OR2M2: variants seen among roughly 807,000 people sequenced by gnomAD.
The protein encoded by OR2M2 is olfactory receptor 2M2.
For synonymous variants in OR2M2, 168 were observed against 151.7 expected (o/e 1.11, Z -0.79); for missense variants, 467 against 429.9 (o/e 1.09, Z -0.76).
chr1:248,175,849 T>G lies in OR2M2; in HGVS notation c.-19+978T>G, dbSNP rs1665851508. Among the ~76,000 whole-genome samples, 4 of 152,206 alleles carry G rather than the reference T, an allele frequency of 2.6e-5. No individual in the cohort carries two copies. The South Asian group carries it at 8.3e-4, about 31-fold the overall frequency. On this transcript the variant is annotated intron_variant, in intron 1 of 1. Coordinates refer to ENST00000641836, the MANE Select transcript of OR2M2 (RefSeq NM_001004688.2). ...CTGTGCTTTATATATAATTTTTACATGTATGTTTAGGTTTCTCATAATAGG... is the reference window on the plus strand; with the variant it reads ...CTGTGCTTTATATATAATTTTTACAGGTATGTTTAGGTTTCTCATAATAGG...
intron 1 of OR2M2, among the ~76,000 whole-genome samples, chr1:248,175,353 C>G (rs1475462665): frequency 6.6e-6 from 1 of 152,098 alleles, no homozygotes; most frequent in African/African-American, 2.4e-5. Context: ...CTTTTGCTTT[C>G]TAATGTTTCA....
At chr1:248,179,055 T>A (rs1303496757) in intron 1 of OR2M2, among the ~76,000 whole-genome samples, 2 of 152,190 alleles carry the variant, frequency 1.3e-5, no homozygotes, top group Non-Finnish European at 2.9e-5. Context: ...GCAGTGTTGG[T>A]TATTTCTGAG....
Position 248,180,370 on chromosome 1 carries a change from C to A in OR2M2, c.385C>A (p.Pro129Thr), listed in dbSNP as rs1248784040. ...TGACCGCTATATTGCTATTTGCCAC[C>A]CTCTAAGATATACCAATCTCATGAA... Reference protein sequence around the residue: ...AYDRYIAICHPLRYTNLMNPK... With the variant: ...AYDRYIAICHTLRYTNLMNPK... Residue 129 changes from proline (P) to threonine (T), a missense_variant, in exon 2 of 2, where the codon CCT becomes ACT. Physicochemically the swap from Pro to Thr is conservative, Grantham distance 38. Transcript: ENST00000641836. 6.2e-7 allele frequency: 1 copy of A among 1,613,880 alleles called. No homozygotes were observed. Among genetic ancestry groups the A allele is most frequent in the Admixed American group, 1.7e-5 (1 of 59,974 alleles).
In OR2M2 at chr1:248,181,021, A is replaced by G. The variant is rs1665928719; in HGVS notation, c.1036A>G (p.Ile346Val). 2 of 1,588,994 alleles carry G rather than the reference A, an allele frequency of 1.3e-6. No individual in the cohort carries two copies. Among genetic ancestry groups the G allele is most frequent in the East Asian group, 2.2e-5 (1 of 44,700 alleles). ...CAAAATACTAGCATTGATTATGTAC[A>G]TTGCCTAACATATTTATGGGCACCT... Reference protein sequence around the residue: ...DVKILALIMYIA With the variant: ...DVKILALIMYVA Residue 346 changes from isoleucine (I) to valine (V), a missense_variant, in exon 2 of 2, where the codon ATT becomes GTT. Ile to Val is a conservative substitution (Grantham distance 29, BLOSUM62 3). Coordinates refer to ENST00000641836, the MANE Select transcript of OR2M2 (RefSeq NM_001004688.2).
At chr1:248,175,939 A>G (rs1243829440) in intron 1 of OR2M2, among the ~76,000 whole-genome samples, 4 of 152,130 alleles carry the variant, frequency 2.6e-5, no homozygotes, top group Non-Finnish European at 5.9e-5. Flanking sequence ...AGACTCACCA[A>G]TGCTACTTCT....
chr1:248,177,808 A>G (rs1477648398), intron 1 of OR2M2: 1 of 152,122 alleles, frequency 6.6e-6, no homozygotes, highest in East Asian at 1.9e-4. Flanking sequence ...CTGAGCTACC[A>G]AACAGGTTTA....
Position 248,180,669 on chromosome 1 carries a change from G to C in OR2M2, c.684G>C (p.Met228Ile), listed in dbSNP as rs140413677. The C allele has an allele frequency of 3.5e-4, 562 of 1,612,354 alleles. 3 individuals are homozygous for C. The African/African-American group carries it at 6.3e-3, about 18-fold the overall frequency. ...GAGTTATTCTGGCTGTCATTCACAT[G>C]GGATCTGGAGAGGGTCGTTGCAAAG... Reference protein sequence around the residue: ...YARVILAVIHMGSGEGRCKAF... With the variant: ...YARVILAVIHIGSGEGRCKAF... The change falls in exon 2 of 2, where the codon ATG becomes ATC. Residue 228 changes from methionine (M) to isoleucine (I), a missense_variant. Transcript: ENST00000641836.
At position 248,180,208 on chromosome 1, in the gene OR2M2, T is replaced by C; in HGVS notation, c.223T>C (p.Cys75Arg). 4 of 1,614,178 alleles carry C rather than the reference T, an allele frequency of 2.5e-6. No individual in the cohort carries two copies. The highest frequency in any genetic ancestry group is 3.4e-6 in the Non-Finnish European group (4 of 1,180,028). ...QLSLMDLMLI[C>R]TTVPKMAFNY... ...GTCCCTCATGGACCTCATGCTCATC[T>C]GCACCACCGTACCCAAGATGGCCTT... The change falls in exon 2 of 2, where the codon TGC becomes CGC. Residue 75 changes from cysteine (C) to arginine (R), a missense_variant. Physicochemically the swap from Cys to Arg is radical, Grantham distance 180. Coordinates refer to ENST00000641836, the MANE Select transcript of OR2M2 (RefSeq NM_001004688.2).
chr1:248,179,624 A>G (rs1380701808), intron 1 of OR2M2, among the ~76,000 whole-genome samples: 1 of 152,180 alleles, frequency 6.6e-6, no homozygotes, highest in African/African-American at 2.4e-5. Flanking sequence ...TAGCCTATCA[A>G]TTTATCTCTG....
At chr1:248,177,723 G>C (rs1197117236) in intron 1 of OR2M2, among the ~76,000 whole-genome samples, 1 of 152,016 alleles carries the variant, frequency 6.6e-6, no homozygotes, top group Non-Finnish European at 1.5e-5. Context: ...GGGAAACTTA[G>C]GGTAGGAAAC....
intron 1 of OR2M2, among the ~76,000 whole-genome samples, chr1:248,178,276 G>A (rs1665877675): frequency 1.3e-5 from 2 of 151,990 alleles, no homozygotes; most frequent in African/African-American, 2.4e-5. Context: ...AAAATGTGAT[G>A]CATGAATAAA....
At chr1:248,177,791 C>T (rs567286629) in intron 1 of OR2M2, 1 of 152,190 alleles carries the variant, frequency 6.6e-6, no homozygotes, top group South Asian at 2.1e-4. Context: ...GTTGACTTGA[C>T]CTGGATCTGA....
intron 1 of OR2M2, among the ~76,000 whole-genome samples, chr1:248,176,827 G>T (rs1665862347): frequency 1.3e-5 from 2 of 151,946 alleles, no homozygotes; most frequent in African/African-American, 2.4e-5. Flanking sequence ...TTCAGGATTG[G>T]GTTTCACATT....
intron 1 of OR2M2, among the ~76,000 whole-genome samples, chr1:248,177,376 C>A (rs1665867483): frequency 6.6e-6 from 1 of 152,028 alleles, no homozygotes; most frequent in Non-Finnish European, 1.5e-5. Context: ...GAACACTTTG[C>A]CAACTTAAAA....
intron 1 of OR2M2, chr1:248,177,932 T>A (rs1170708746): frequency 6.6e-6 from 1 of 152,150 alleles, no homozygotes; most frequent in African/African-American, 2.4e-5. Flanking sequence ...TGCTATTCTA[T>A]CTCATGAGTG....
At chr1:248,179,202 G>A (rs548088488) in intron 1 of OR2M2, among the ~76,000 whole-genome samples, 36 of 152,108 alleles carry the variant, frequency 2.4e-4, no homozygotes, top group Admixed American at 9.8e-4. Context: ...CCAGTGTCTC[G>A]GTCTTCACAT....
At chr1:248,175,331 A>G (rs6692348) in intron 1 of OR2M2, among the ~76,000 whole-genome samples, 33,941 of 152,076 alleles carry the variant, frequency 0.22, 7,149 homozygotes, top group African/African-American at 0.56. Flanking sequence ...CTGCTGACAT[A>G]AGATTGTGAC....
chr1:248,180,034 A>G lies in OR2M2; in HGVS notation c.49A>G (p.Ile17Val), dbSNP rs1267100875. The G allele has an allele frequency of 2.5e-6, 4 of 1,614,026 alleles. No homozygotes were observed. The highest frequency in any genetic ancestry group is 4.5e-5 in the East Asian group (2 of 44,878). ...TFNSDFILLG[I>V]FNHSPPHTFL... ...CAACTCCGACTTCATCCTCCTTGGA[A>G]TCTTCAATCACAGCCCACCACACAC... The change falls in exon 2 of 2, where the codon ATC becomes GTC. Residue 17 changes from isoleucine to valine, a missense_variant. Transcript: ENST00000641836.
At position 248,179,993 on chromosome 1, in the gene OR2M2, G is replaced by A. The variant is rs1294560800; in HGVS notation, c.8G>A (p.Trp3Ter). The A allele has an allele frequency of 1.2e-5, 20 of 1,611,152 alleles. No individual in the cohort carries two copies. Among genetic ancestry groups the A allele is most frequent in the Non-Finnish European group, 1.6e-5 (19 of 1,178,392 alleles). ...GTAAAAAGCACATTCATCATGGCAT[G>A]GGAGAATCAGACCTTCAACTCCGAC... MA[W>*]ENQTFNSDFI... is the part of the protein sequence containing the mutation. Residue 3 changes from tryptophan (W) to a stop codon, truncating the protein, a stop_gained, in exon 2 of 2, where the codon TGG becomes TAG. Transcript: ENST00000641836. LOFTEE classifies it low-confidence loss of function (END_TRUNC).
Sources: allele counts gnomAD v4.1 joint callset (sites outside exome capture counted in the v4.1 genomes callset), GRCh38; gene constraint gnomAD v4.1.1; transcripts MANE v1.5; gene names NCBI Gene and HGNC (gene_info 2026-07-23, HGNC 2026-07-21).